Variants in WWOX observed in about 807,000 individuals in gnomAD.
WWOX encodes WW domain-containing oxidoreductase.
WWOX carries 69 observed loss-of-function variants against 46.2 expected under a neutral mutation model. The observed-to-expected ratio is 1.49, with a 90% confidence interval of 1.23 to 1.82. WWOX has a LOEUF of 1.82. Ranked by LOEUF, WWOX falls within the 40% of genes most tolerant of loss-of-function variation. WWOX has a pLI of 0.00. For missense variants in WWOX, 919 were observed against 542.6 expected, an observed-to-expected ratio of 1.69 and a Z score of -6.89; for synonymous variants, 359 against 202.6, an observed-to-expected ratio of 1.77 and a Z score of -6.56.
chr16:78,538,235 A>C (rs1386676592), intron 8 of WWOX, among the ~76,000 whole-genome samples: 1 of 151,086 alleles, frequency 6.6e-6, no homozygotes, highest in Non-Finnish European at 1.5e-5. Flanking sequence ...AAAAAAAAAA[A>C]AAAAAAAAAA....
intron 8 of WWOX, among the ~76,000 whole-genome samples, chr16:78,690,530 C>A (rs1045591400): frequency 3.3e-5 from 5 of 151,756 alleles, no homozygotes; most frequent in African/African-American, 1.2e-4. Flanking sequence ...GCAGCCTGGG[C>A]GACAGAATGA....
chr16:78,412,535 G>C (rs181208277), intron 6 of WWOX, among the ~76,000 whole-genome samples: 116 of 152,272 alleles, frequency 7.6e-4, no homozygotes, highest in African/African-American at 2.6e-3. Flanking sequence ...TGGAACAATG[G>C]GCAAAAGAGG....
At chr16:78,317,329 G>A (rs1193783264) in intron 5 of WWOX, among the ~76,000 whole-genome samples, 2 of 152,108 alleles carry the variant, frequency 1.3e-5, no homozygotes, top group African/African-American at 4.8e-5. Context: ...CACATTTTAG[G>A]TAAAGCAGTG....
intron 8 of WWOX, among the ~76,000 whole-genome samples, chr16:78,843,290 C>T (rs1413438545): frequency 6.7e-6 from 1 of 150,102 alleles, no homozygotes; most frequent in East Asian, 1.9e-4. Flanking sequence ...TCTATTTCTC[C>T]ACCTGCAAAA....
At chr16:78,353,398 G>T (rs1239106273) in intron 5 of WWOX, among the ~76,000 whole-genome samples, 5 of 152,164 alleles carry the variant, frequency 3.3e-5, no homozygotes, top group African/African-American at 9.7e-5. Flanking sequence ...AGCCTTCCAG[G>T]GGTGTAAGCC....
At chr16:78,904,316 G>T (rs564959364) in intron 8 of WWOX, among the ~76,000 whole-genome samples, 1 of 141,812 alleles carries the variant, frequency 7.1e-6, no homozygotes, top group East Asian at 2.1e-4. Flanking sequence ...TCGGCTCACT[G>T]CAACCTCTGC....
chr16:78,927,570 C>T (rs548768912), intron 8 of WWOX, among the ~76,000 whole-genome samples: 4 of 152,210 alleles, frequency 2.6e-5, no homozygotes, highest in East Asian at 1.9e-4. Context: ...TCTGAAGTTG[C>T]GTAGGTACCA....
intron 8 of WWOX, among the ~76,000 whole-genome samples, chr16:78,866,272 A>G (rs1367483385): frequency 6.6e-6 from 1 of 151,868 alleles, no homozygotes; most frequent in East Asian, 1.9e-4. Context: ...CTGTGCCACC[A>G]GGATTTTCTT....
intron 5 of WWOX, among the ~76,000 whole-genome samples, chr16:78,326,191 A>G (rs1016682199): frequency 2.6e-5 from 4 of 152,214 alleles, no homozygotes; most frequent in Non-Finnish European, 5.9e-5. Context: ...GGGATCACAC[A>G]GCTAGATCAC....
Position 78,910,973 on chromosome 16 carries a change from G to A in WWOX, c.1057-300635G>A, listed in dbSNP as rs546280636. On this transcript the variant is annotated intron_variant, in intron 8 of 8. Coordinates refer to ENST00000566780, the MANE Select transcript of WWOX (RefSeq NM_016373.4). ...TTTACATATTTCAAAATAATGTGTT[G>A]TGCACAATATATATGTGCAATTTTT... Among the ~76,000 whole-genome samples, 30 of 151,996 alleles carry A rather than the reference G, an allele frequency of 2.0e-4. No homozygotes were observed. The South Asian group carries it at 4.8e-3, about 24-fold the overall frequency.
chr16:78,578,493 G>A (rs1157101383), intron 8 of WWOX, among the ~76,000 whole-genome samples: 1 of 151,188 alleles, frequency 6.6e-6, no homozygotes, highest in Non-Finnish European at 1.5e-5. Flanking sequence ...GTTTCACCAT[G>A]TTATCAGGAT....
chr16:78,221,869 C>G (rs2036899495), intron 5 of WWOX, among the ~76,000 whole-genome samples: 1 of 152,160 alleles, frequency 6.6e-6, no homozygotes, highest in South Asian at 2.1e-4. Flanking sequence ...ATTTCCAAAG[C>G]AGACTTTGTT....
chr16:78,133,946 C>T (rs1567590486), intron 4 of WWOX, among the ~76,000 whole-genome samples: 1 of 152,186 alleles, frequency 6.6e-6, no homozygotes, highest in Non-Finnish European at 1.5e-5. Context: ...TAGATGCCTT[C>T]CATCTTCTTA....
chr16:78,932,865 C>T (rs577806185), intron 8 of WWOX, among the ~76,000 whole-genome samples: 83 of 152,304 alleles, frequency 5.4e-4, no homozygotes, highest in African/African-American at 1.9e-3. Flanking sequence ...TGGCCCAGCA[C>T]CCTTGTCTGG....
chr16:78,569,354 T>G (rs888281596), intron 8 of WWOX, among the ~76,000 whole-genome samples: 3 of 152,226 alleles, frequency 2.0e-5, no homozygotes, highest in Non-Finnish European at 4.4e-5. Flanking sequence ...ACATCCACAT[T>G]TGAGTTGGTT....
chr16:78,187,720 G>A (rs1279499654), intron 5 of WWOX, among the ~76,000 whole-genome samples: 1 of 152,190 alleles, frequency 6.6e-6, no homozygotes. Flanking sequence ...TCCTTAACCT[G>A]CCAAAGGGAA....
chr16:78,845,647 C>T (rs978556841), intron 8 of WWOX, among the ~76,000 whole-genome samples: 1 of 152,202 alleles, frequency 6.6e-6, no homozygotes, highest in Non-Finnish European at 1.5e-5. Context: ...CAAAAAATAA[C>T]TCCAAGCTAT....
intron 8 of WWOX, chr16:79,202,498 G>A (rs921739364): frequency 3.3e-5 from 5 of 152,226 alleles, no homozygotes; most frequent in Non-Finnish European, 7.3e-5. Context: ...AAAAGCCCAA[G>A]CCAAGTCCTT....
At chr16:78,426,804 C>T (rs953639795) in intron 7 of WWOX, among the ~76,000 whole-genome samples, 5 of 152,290 alleles carry the variant, frequency 3.3e-5, no homozygotes, top group East Asian at 3.9e-4. Flanking sequence ...GCTGGGACCA[C>T]AGGCGCTTGC....
Sources: allele counts gnomAD v4.1 joint callset (sites outside exome capture counted in the v4.1 genomes callset), GRCh38; gene constraint gnomAD v4.1.1; transcripts MANE v1.5; gene names NCBI Gene and HGNC (gene_info 2026-07-23, HGNC 2026-07-21).